The following EFNA5 variants were observed in gnomAD, a reference collection of about 807,000 sequenced individuals.
EFNA5 encodes the protein ephrin-A5.
In EFNA5, 5 loss-of-function variants were observed where a neutral mutation model predicts 22.9. That is an observed-to-expected ratio of 0.22 (90% CI 0.11 to 0.46). EFNA5 has a LOEUF of 0.46. Ranked by LOEUF, EFNA5 falls within the 20% of genes least tolerant of loss-of-function variation. EFNA5 has a pLI of 0.99. For missense variants in EFNA5, 237 were observed against 293.3 expected, an observed-to-expected ratio of 0.81 and a Z score of 1.40; for synonymous variants, 113 against 112.2, an observed-to-expected ratio of 1.01 and a Z score of -0.04.
At chr5:107,500,039 T>C (rs746284325) in intron 1 of EFNA5, among the ~76,000 whole-genome samples, 3 of 152,202 alleles carry the variant, frequency 2.0e-5, no homozygotes, top group Non-Finnish European at 2.9e-5. Context: ...CACAAAGCAG[T>C]TGTGATTTGG....
At chr5:107,651,444 T>C (rs1293630032) in intron 1 of EFNA5, among the ~76,000 whole-genome samples, 2 of 152,028 alleles carry the variant, frequency 1.3e-5, no homozygotes, top group Non-Finnish European at 2.9e-5. Context: ...TATTCGCCCC[T>C]AAGTAAATGC....
chr5:107,387,459 T>G (rs1018079544), intron 3 of EFNA5, 144 bp from the exon 4 acceptor site: 11 of 629,320 alleles, frequency 1.7e-5, no homozygotes, highest in Admixed American at 3.1e-5. Context: ...ATGCCAATAT[T>G]GTTCCCATTT....
chr5:107,385,587 A>G (rs1747592974), intron 4 of EFNA5, among the ~76,000 whole-genome samples: 1 of 152,292 alleles, frequency 6.6e-6, no homozygotes, highest in East Asian at 1.9e-4. Context: ...CTAATGTTGG[A>G]ATAGGAGTCA....
chr5:107,545,930 A>G (rs1473701761), intron 1 of EFNA5, among the ~76,000 whole-genome samples: 1 of 152,110 alleles, frequency 6.6e-6, no homozygotes, highest in African/African-American at 2.4e-5. Flanking sequence ...CAGTTTGAAA[A>G]CAGAGCAAAT....
intron 1 of EFNA5, among the ~76,000 whole-genome samples, chr5:107,543,360 T>A (rs1748084978): frequency 6.6e-6 from 1 of 152,260 alleles, no homozygotes; most frequent in African/African-American, 2.4e-5. Context: ...TCAATTTAAG[T>A]GACGTTGTCA....
intron 1 of EFNA5, among the ~76,000 whole-genome samples, chr5:107,659,912 AC>A (rs1750910276): frequency 6.6e-6 from 1 of 151,954 alleles, no homozygotes; most frequent in Non-Finnish European, 1.5e-5. Context: ...AGTCCTTTCT[AC>A]ATTTTTTTTC....
intron 1 of EFNA5, among the ~76,000 whole-genome samples, chr5:107,516,174 TTGTGTGTGTGTG>T (rs59824895): frequency 2.2e-5 from 3 of 139,512 alleles, no homozygotes; most frequent in South Asian, 2.4e-4. Flanking sequence ...CTGGCTAGTT[TTGTGTGTGTGTG>T]TGTGTGTGTG....
intron 1 of EFNA5, among the ~76,000 whole-genome samples, chr5:107,623,428 T>C (rs1750079637): frequency 6.6e-6 from 1 of 152,188 alleles, no homozygotes; most frequent in Non-Finnish European, 1.5e-5. Context: ...TAAATTTAAA[T>C]AAATCATGTG....
At chr5:107,667,798 T>C (rs1240641655) in intron 1 of EFNA5, among the ~76,000 whole-genome samples, 1 of 152,190 alleles carries the variant, frequency 6.6e-6, no homozygotes, top group Admixed American at 6.5e-5. Context: ...ACACAAAGCA[T>C]GGCTAGCTTA....
At chr5:107,646,133 G>A (rs1750629491) in intron 1 of EFNA5, among the ~76,000 whole-genome samples, 1 of 152,134 alleles carries the variant, frequency 6.6e-6, no homozygotes, top group South Asian at 2.1e-4. Context: ...TTAGTAATTA[G>A]TATCTAAGGT....
intron 1 of EFNA5, among the ~76,000 whole-genome samples, chr5:107,607,341 G>A (rs995761067): frequency 2.6e-5 from 4 of 152,256 alleles, no homozygotes; most frequent in Middle Eastern, 3.4e-3. Flanking sequence ...AGGCTAACTC[G>A]CTGCCTGCTA....
chr5:107,569,461 ATATT>A lies in EFNA5; in HGVS notation c.125+101024_125+101027del, dbSNP rs1353501966. ...TATATTTATATATGTGTGTGTATAT[ATATT>A]TATATATATGTGTATATATATTTAT... On this transcript the variant is annotated intron_variant, in intron 1 of 4. Coordinates refer to ENST00000333274, the MANE Select transcript of EFNA5 (RefSeq NM_001962.3). Among the ~76,000 whole-genome samples the A allele has an allele frequency of 9.3e-5, 13 of 140,182 alleles. 1 individual carries two copies. In the South Asian group the frequency reaches 2.8e-3, roughly 31 times the overall value. The allele number at this position is 140,182 out of a possible 152,430, so 92.0% of individuals were successfully genotyped here.
At chr5:107,381,802 C>T (rs771200562) in intron 4 of EFNA5, among the ~76,000 whole-genome samples, 10 of 152,146 alleles carry the variant, frequency 6.6e-5, no homozygotes, top group African/African-American at 1.4e-4. Flanking sequence ...AACCAGAATG[C>T]GCTGCCCATT....
intron 1 of EFNA5, among the ~76,000 whole-genome samples, chr5:107,531,955 T>G (rs1331870286): frequency 6.6e-6 from 1 of 152,094 alleles, no homozygotes; most frequent in African/African-American, 2.4e-5. Flanking sequence ...AAATAAAAGG[T>G]AAAGTAGGTG....
chr5:107,537,500 G>C (rs1026984529), intron 1 of EFNA5, among the ~76,000 whole-genome samples: 2 of 152,168 alleles, frequency 1.3e-5, no homozygotes, highest in African/African-American at 2.4e-5. Flanking sequence ...TTGGGAAGCT[G>C]AGGCAGGAAA....
intron 1 of EFNA5, among the ~76,000 whole-genome samples, chr5:107,547,141 G>A (rs917677718): frequency 4.6e-5 from 7 of 152,118 alleles, no homozygotes; most frequent in East Asian, 3.9e-4. Context: ...AGCTTCATTC[G>A]CCTACTGTAC....
chr5:107,591,983 AATATATAATATATATAATATATAAT>A (rs1749365260), intron 1 of EFNA5, among the ~76,000 whole-genome samples: 2 of 24,898 alleles, frequency 8.0e-5, no homozygotes, highest in South Asian at 6.3e-4. Flanking sequence ...TATAATATAT[AATATATAATATATATAATATATAAT>A]ATATATAATA....
intron 1 of EFNA5, among the ~76,000 whole-genome samples, chr5:107,640,393 A>G (rs1561457010): frequency 1.3e-5 from 2 of 152,248 alleles, no homozygotes; most frequent in Non-Finnish European, 2.9e-5. Context: ...AAAAGCTCAA[A>G]TCCCAAAATG....
At chr5:107,476,057 T>TATATATATATATATATGTATATATATA in intron 1 of EFNA5, among the ~76,000 whole-genome samples, 1 of 100,436 alleles carries the variant, frequency 1.0e-5, no homozygotes, top group Admixed American at 1.1e-4. Context: ...TATATATATA[T>TATATATATATATATATGTATATATATA]TTTTTTTTTT....
Sources: allele counts gnomAD v4.1 joint callset (sites outside exome capture counted in the v4.1 genomes callset), GRCh38; gene constraint gnomAD v4.1.1; transcripts MANE v1.5; gene names NCBI Gene and HGNC (gene_info 2026-07-23, HGNC 2026-07-21).